Variants in TAF5L observed in about 807,000 individuals in gnomAD.
TAF5L encodes TATA-box binding protein associated factor 5 like.
Under a neutral mutation model 51.3 loss-of-function variants are expected in TAF5L, and 7 were observed. The ratio of observed to expected loss-of-function variants is 0.14; its 90% confidence interval spans 0.08 to 0.26. The LOEUF is 0.26. Among genes scored for constraint, TAF5L ranks in the 10% least tolerant of loss-of-function variants. The pLI, the probability that TAF5L is intolerant of heterozygous loss-of-function variation, is 1.00. For missense variants in TAF5L, 575 were observed against 758.9 expected, an observed-to-expected ratio of 0.76 and a Z score of 2.85; for synonymous variants, 291 against 308.1, an observed-to-expected ratio of 0.94 and a Z score of 0.58.
Position 229,606,293 on chromosome 1 carries a change from T to C in TAF5L, c.248-3374A>G, listed in dbSNP as rs1664593458. 24 of 828,642 alleles carry C rather than the reference T, an allele frequency of 2.9e-5. 1 individual carries two copies. The South Asian group carries it at 1.0e-3, about 36-fold the overall frequency. The allele number at this position is 828,642 out of a possible 1,614,324, so 51.3% of individuals were successfully genotyped here. On this transcript the variant is annotated intron_variant, in intron 3 of 4. Coordinates refer to ENST00000258281, the Ensembl canonical transcript of TAF5L. ...TTCCCTTGCAATCTAACATACTCTG[T>C]ATTTTACTGAAAGTGTACTCACTTA...
chr1:229,623,615 G>C (rs2102769523), intron 1 of TAF5L, among the ~76,000 whole-genome samples: 1 of 152,308 alleles, frequency 6.6e-6, no homozygotes, highest in Middle Eastern at 3.4e-3. Context: ...ATCTGTCACA[G>C]AACTTACCCT....
intron 3 of TAF5L, chr1:229,606,727 A>G (rs1299543212): frequency 1.2e-5 from 12 of 985,294 alleles, no homozygotes; most frequent in Non-Finnish European, 1.4e-5. Context: ...GGTACTTTGC[A>G]TCCATGATCA....
chr1:229,599,002 T>C (rs1664259771), intron 4 of TAF5L, among the ~76,000 whole-genome samples: 1 of 152,150 alleles, frequency 6.6e-6, no homozygotes, highest in African/African-American at 2.4e-5. Context: ...CAGCCAGATA[T>C]CATTTCTATC....
chr1:229,610,138 A>C, exon 3 of TAF5L: 1 of 1,614,184 alleles, frequency 6.2e-7, no homozygotes. Context: ...TCCAAACTGT[A>C]CTTCATATTG....
rs140175630 is a variant in TAF5L at position 229,604,941 on chromosome 1, T to G, written c.248-2022A>C. 3.8e-3 allele frequency among the ~76,000 whole-genome samples: 575 copies of G among 152,278 alleles called. 4 individuals are homozygous for G. The highest frequency in any genetic ancestry group is 0.013 in the African/African-American group (555 of 41,558). ...CCCTTATCATGGAACATCGGATTAC[T>G]GACTTTATTTTTTTGAGATGGAGTC... On this transcript the variant is annotated intron_variant, in intron 3 of 4. Transcript: ENST00000258281.
At chr1:229,599,118 G>T in intron 4 of TAF5L, 1 of 319,994 alleles carries the variant, frequency 3.1e-6, no homozygotes, top group Non-Finnish European at 4.5e-6. Context: ...GCAAGGGACT[G>T]CTATGTCACT....
Position 229,602,110 on chromosome 1 carries a change from C to T in TAF5L, c.972+85G>A. 1 of 1,532,654 alleles carries T rather than the reference C, an allele frequency of 6.5e-7. No homozygotes were observed. The highest frequency in any genetic ancestry group is 1.3e-5 in the South Asian group (1 of 75,934). The allele number at this position is 1,532,654 out of a possible 1,614,324, so 94.9% of individuals were successfully genotyped here. A position where few individuals can be genotyped will look rare whatever the true frequency, so the allele number is the denominator to read the frequency against. Reference sequence around the variant, plus strand: ...ATATGATGAGGGAAACTAGGAAGTCCATTCTAAGATATGTCGTGTTTGGTA... The same window carrying T: ...ATATGATGAGGGAAACTAGGAAGTCTATTCTAAGATATGTCGTGTTTGGTA... On this transcript the variant is annotated intron_variant, in intron 4 of 4. Coordinates refer to ENST00000258281, the Ensembl canonical transcript of TAF5L. The surrounding 1 kb of genome is among the most constrained non-coding windows in gnomAD (Gnocchi z 4.6).
In TAF5L at chr1:229,594,362, C is replaced by A. The variant is rs138203586; in HGVS notation, c.1705G>T (p.Val569Leu). 1.2e-5 allele frequency: 19 copies of A among 1,614,070 alleles called. No individual in the cohort carries two copies. The highest frequency in any genetic ancestry group is 1.4e-5 in the Non-Finnish European group (17 of 1,180,012). ...AGAAGGTTACAGGCCATGAACTGCA[C>A]GCTCAGGACGTTGCTCATCTGCCCG... The change falls in exon 5 of 5, where the codon GTG (valine) becomes TTG (leucine). Residue 569 changes from valine (V) to leucine (L), a missense_variant. Physicochemically the swap from Val to Leu is conservative, Grantham distance 32. Transcript: ENST00000258281. The surrounding 1 kb of genome is among the most constrained non-coding windows in gnomAD (Gnocchi z 7.9).
intron 3 of TAF5L, among the ~76,000 whole-genome samples, chr1:229,605,763 T>A (rs377066009): frequency 5.3e-5 from 8 of 152,346 alleles, no homozygotes; most frequent in African/African-American, 1.7e-4. Context: ...GTAGAAGGAA[T>A]TCTGCCAGCA....
chr1:229,602,980 C>T lies in TAF5L; in HGVS notation c.248-61G>A. 6.7e-7 allele frequency: 1 copy of T among 1,503,030 alleles called. No individual in the cohort carries two copies. Among genetic ancestry groups the T allele is most frequent in the Non-Finnish European group, 8.8e-7 (1 of 1,137,064 alleles). The allele number at this position is 1,503,030 out of a possible 1,614,324, so 93.1% of individuals were successfully genotyped here. Reference sequence around the variant, plus strand: ...ATAATCTTACAGAATAACGTGATCCCTCCTGGGGATCACCACCATCATATA... The same window carrying T: ...ATAATCTTACAGAATAACGTGATCCTTCCTGGGGATCACCACCATCATATA... On this transcript the variant is annotated intron_variant, in intron 3 of 4. Coordinates refer to ENST00000258281, the Ensembl canonical transcript of TAF5L. This position sits in a 1 kb window ranked among gnomAD's most constrained non-coding sequence, Gnocchi z 4.6.
Position 229,625,623 on chromosome 1 carries a change from C to T in TAF5L, c.-4+262G>A, listed in dbSNP as rs1292917377. On this transcript the variant is annotated intron_variant, in intron 1 of 4. Coordinates refer to ENST00000258281, the Ensembl canonical transcript of TAF5L. The surrounding 1 kb of genome is among the most constrained non-coding windows in gnomAD (Gnocchi z 4.0). The stretch of plus-strand genomic sequence containing the variant: ...CCCTGCGCAGGAACGCGACGCCAGT[C>T]CAGGTGTAGCCGCCGACTGCAGGCC... Among the ~76,000 whole-genome samples, 1 of 151,596 alleles carries T rather than the reference C, an allele frequency of 6.6e-6. No homozygotes were observed. Among genetic ancestry groups the T allele is most frequent in the Non-Finnish European group, 1.5e-5 (1 of 67,816 alleles).
intron 4 of TAF5L, chr1:229,601,230 T>C (rs1664362071): frequency 1.0e-6 from 1 of 985,272 alleles, no homozygotes; most frequent in Non-Finnish European, 1.2e-6. Flanking sequence ...AATGGTTTAA[T>C]TTAGGGCACC....
At chr1:229,610,673 A>G (rs1664754729) in intron 2 of TAF5L, among the ~76,000 whole-genome samples, 1 of 152,104 alleles carries the variant, frequency 6.6e-6, no homozygotes, top group Non-Finnish European at 1.5e-5. Flanking sequence ...AGACTCCTAC[A>G]ATTTCAAGGT....
At chr1:229,609,941 T>G (rs901719949) in intron 3 of TAF5L, among the ~76,000 whole-genome samples, 165 bp downstream of exon 3, 1 of 152,182 alleles carries the variant, frequency 6.6e-6, no homozygotes, top group African/African-American at 2.4e-5. Flanking sequence ...TCAAACCAAT[T>G]GTGGAATATA....
intron 3 of TAF5L, chr1:229,606,206 CA>C (rs1201793622): frequency 2.7e-5 from 27 of 984,192 alleles, no homozygotes; most frequent in Middle Eastern, 5.2e-4. Flanking sequence ...GGGTATAAAA[CA>C]AAAAAACTGA....
At chr1:229,615,216 T>C (rs959483691) in intron 1 of TAF5L, among the ~76,000 whole-genome samples, 6 of 152,212 alleles carry the variant, frequency 3.9e-5, no homozygotes, top group East Asian at 1.9e-4. Context: ...GCCTCCCAAG[T>C]AGCTGGGACT....
chr1:229,625,817 C>T lies in TAF5L; in HGVS notation c.-4+68G>A, dbSNP rs1661266302. ...GCCGAGGCCCCACCGCCCCGGCCCCCGCCCGCCCGCGCGCGCGCGCGCCTC... is the reference window on the plus strand; with the variant it reads ...GCCGAGGCCCCACCGCCCCGGCCCCTGCCCGCCCGCGCGCGCGCGCGCCTC... On this transcript the variant is annotated intron_variant, in intron 1 of 4. Transcript: ENST00000258281. This position sits in a 1 kb window ranked among gnomAD's most constrained non-coding sequence, Gnocchi z 4.0. 1 of 138,744 alleles carries T rather than the reference C, an allele frequency of 7.2e-6. No individual in the cohort carries two copies. Among genetic ancestry groups the T allele is most frequent in the Non-Finnish European group, 1.6e-5 (1 of 62,854 alleles). The allele number at this position is 138,744 out of a possible 1,614,324, so 8.6% of individuals were successfully genotyped here. A position where few individuals can be genotyped will look rare whatever the true frequency, so the allele number is the denominator to read the frequency against.
Position 229,594,309 on chromosome 1 carries a change from A to AT in TAF5L, c.1757dup (p.Asn586LysfsTer8), listed in dbSNP as rs1469374062. On this transcript the variant is annotated frameshift_variant, in exon 5 of 5. Coordinates refer to ENST00000258281, the Ensembl canonical transcript of TAF5L. LOFTEE classifies it high-confidence loss of function. The surrounding 1 kb of genome is among the most constrained non-coding windows in gnomAD (Gnocchi z 7.9). Reference sequence around the variant, plus strand: ...CAAAGTTAAAAAATTAATGTTCCTGATTTTCTTGTGTAATTCCAGTCACCA... The same window carrying AT: ...CAAAGTTAAAAAATTAATGTTCCTGATTTTTCTTGTGTAATTCCAGTCACCA... 1.2e-6 allele frequency: 2 copies of AT among 1,605,036 alleles called. No homozygotes were observed. Among genetic ancestry groups the AT allele is most frequent in the Admixed American group, 3.4e-5 (2 of 59,442 alleles).
chr1:229,619,442 C>T (rs1265381236), intron 1 of TAF5L, among the ~76,000 whole-genome samples: 2 of 152,110 alleles, frequency 1.3e-5, no homozygotes, highest in South Asian at 2.1e-4. Flanking sequence ...GGGCTCAGGA[C>T]GCAGTGAAGA....
Sources: gnomAD v4.1 joint callset for allele counts (sites outside exome capture counted in the v4.1 genomes callset) on GRCh38, gnomAD v4.1.1 for gene constraint, Gnocchi (gnomAD v3.1) non-coding constraint, MANE v1.5 for transcripts, NCBI Gene and HGNC (gene_info 2026-07-23, HGNC 2026-07-21) for gene names.